CCDC63: variants seen among roughly 807,000 people sequenced by gnomAD.
The protein encoded by CCDC63 is coiled-coil domain containing 63.
In CCDC63, 54 loss-of-function variants were observed where a neutral mutation model predicts 63.6. The ratio of observed to expected loss-of-function variants is 0.85; its 90% CI spans 0.68 to 1.07. CCDC63 has a LOEUF of 1.07. Among genes scored for constraint, CCDC63 ranks in the 50% least tolerant of loss-of-function variants. The pLI is 0.00. For synonymous variants in CCDC63, 253 were observed against 266.1 expected, an observed-to-expected ratio of 0.95 and a Z score of 0.48; for missense variants, 637 against 689.6, an observed-to-expected ratio of 0.92 and a Z score of 0.86.
Position 110,884,195 on chromosome 12 carries a change from T to C in CCDC63, c.1019T>C (p.Val340Ala), listed in dbSNP as rs2071248422. 6.2e-7 allele frequency: 1 copy of C among 1,613,982 alleles called. No individual in the cohort carries two copies. Among genetic ancestry groups the C allele is most frequent in the South Asian group, 1.1e-5 (1 of 91,076 alleles). ...EEKNFARFTYVTELNNDMEMM... is the reference protein window; with the variant it reads ...EEKNFARFTYATELNNDMEMM... ...AAGAATTTTGCTCGGTTCACGTATG[T>C]CACGGAGCTCAACAACGACATGGAG... Residue 340 changes from valine to alanine, a missense_variant, in exon 8 of 12, where the codon GTC becomes GCC. By Grantham distance (64) the Val-to-Ala change is moderately conservative. Transcript: ENST00000308208.
intron 1 of CCDC63, among the ~76,000 whole-genome samples, chr12:110,849,498 C>CTTTTT (rs56059098): frequency 7.9e-6 from 1 of 126,294 alleles, no homozygotes; most frequent in Non-Finnish European, 1.6e-5. Context: ...CTCTTATTTC[C>CTTTTT]TTTTTTTTTT....
At chr12:110,870,628 C>T (rs911265277) in intron 4 of CCDC63, among the ~76,000 whole-genome samples, 5 of 152,138 alleles carry the variant, frequency 3.3e-5, no homozygotes, top group African/African-American at 1.2e-4. Context: ...GAGAGATGTC[C>T]CATTGCCCTT....
chr12:110,886,348 T>C (rs2071278820), intron 8 of CCDC63, among the ~76,000 whole-genome samples: 2 of 151,938 alleles, frequency 1.3e-5, no homozygotes, highest in Admixed American at 6.6e-5. Context: ...ATGGCGCCAC[T>C]GCACTCCAGC....
Position 110,898,953 on chromosome 12 carries a change from G to A in CCDC63, c.1170G>A (p.Thr390=), listed in dbSNP as rs776913477. 1.4e-5 allele frequency: 23 copies of A among 1,607,612 alleles called. No homozygotes were observed. Among genetic ancestry groups the A allele is most frequent in the Admixed American group, 8.4e-5 (5 of 59,286 alleles). Residue 390 remains threonine (T), a synonymous_variant, in exon 10 of 12, where the codon ACG becomes ACA. Transcript: ENST00000308208. ...ACCAGGATAAACTGAGGAAGACCAC[G>A]GAGGAGGCAGATATGTATGAGAGCA... ...RQLEDKLRKT[T]EEADMYESKY...
chr12:110,845,483 A>T (rs1417818748), upstream of CCDC63: 1 of 152,234 alleles, frequency 6.6e-6, no homozygotes, highest in Non-Finnish European at 1.5e-5. Context: ...TAAAATGAGG[A>T]TGGTCAAGTG....
chr12:110,845,374 GA>G (rs1188291865), upstream of CCDC63, among the ~76,000 whole-genome samples: 1 of 152,100 alleles, frequency 6.6e-6, no homozygotes, highest in African/African-American at 2.4e-5. Flanking sequence ...TCAGGGTGTG[GA>G]AAAGCGTGGG....
At chr12:110,876,873 A>C (rs1298444634) in intron 5 of CCDC63, among the ~76,000 whole-genome samples, 7 of 143,146 alleles carry the variant, frequency 4.9e-5, no homozygotes, top group Non-Finnish European at 1.1e-4. Flanking sequence ...GTCTCTACTA[A>C]AAATACAAAA....
At position 110,857,589 on chromosome 12, in the gene CCDC63, G is replaced by A. The variant is rs1302429336; in HGVS notation, c.180-997G>A. ...CAAAGGACATTCATGCTACTGATCC[G>A]CAAACCACATTGGGGAGTGGGTGTC... On this transcript the variant is annotated intron_variant, in intron 3 of 11. Transcript: ENST00000308208. Among the ~76,000 whole-genome samples, 4 of 152,288 alleles carry A rather than the reference G, an allele frequency of 2.6e-5. No homozygotes were observed. In the East Asian group the frequency reaches 7.7e-4, roughly 29 times the overall value.
chr12:110,873,244 AAAAG>A (rs774967872), intron 4 of CCDC63, among the ~76,000 whole-genome samples: 9 of 152,174 alleles, frequency 5.9e-5, no homozygotes, highest in Non-Finnish European at 1.3e-4. Context: ...TCAAAAAACA[AAAAG>A]AAAGTTTCAA....
intron 10 of CCDC63, among the ~76,000 whole-genome samples, chr12:110,903,006 G>A (rs1037796494): frequency 2.6e-4 from 39 of 151,456 alleles, no homozygotes; most frequent in Admixed American, 5.3e-4. Context: ...CCTCAGCCTC[G>A]CATGTAGCTG....
chr12:110,906,048 A>AAT (rs199743269), intron 11 of CCDC63, among the ~76,000 whole-genome samples: 5,545 of 75,514 alleles, frequency 0.073, 634 homozygotes, highest in African/African-American at 0.15. Context: ...TATAATATAT[A>AAT]ATATATATAT....
At chr12:110,883,941 C>A in intron 7 of CCDC63, 89 bp from the exon 8 acceptor site, 1 of 1,055,060 alleles carries the variant, frequency 9.5e-7, no homozygotes, top group Non-Finnish European at 1.5e-6. Context: ...TGCCTGGCCA[C>A]AATAATATTG....
At chr12:110,846,576 T>G (rs1426105406), upstream of CCDC63, among the ~76,000 whole-genome samples, 1 of 151,602 alleles carries the variant, frequency 6.6e-6, no homozygotes, top group Non-Finnish European at 1.5e-5. Context: ...TTTTTCAGAG[T>G]AGAAAAAACT....
intron 10 of CCDC63, among the ~76,000 whole-genome samples, chr12:110,900,938 C>T (rs1291165678): frequency 1.3e-5 from 2 of 152,080 alleles, no homozygotes; most frequent in Non-Finnish European, 2.9e-5. Flanking sequence ...TGGGAGGTTC[C>T]CCAAACACAT....
chr12:110,900,801 T>C (rs1268501751), intron 10 of CCDC63, among the ~76,000 whole-genome samples: 3 of 152,178 alleles, frequency 2.0e-5, no homozygotes, highest in Non-Finnish European at 4.4e-5. Flanking sequence ...GGTTTCACCA[T>C]GTTGGCCAGG....
chr12:110,868,560 T>A (rs1230601572), intron 4 of CCDC63, among the ~76,000 whole-genome samples: 2 of 150,760 alleles, frequency 1.3e-5, no homozygotes, highest in African/African-American at 4.9e-5. Context: ...CGAAACCCCG[T>A]CTCCACCAAA....
At chr12:110,888,862 GTTTTTCTTTC>G (rs1454234643) in intron 8 of CCDC63, among the ~76,000 whole-genome samples, 11 of 73,024 alleles carry the variant, frequency 1.5e-4, no homozygotes, top group East Asian at 6.3e-4. Context: ...TCCTTCCTTC[GTTTTTCTTTC>G]TTTTTCTTTC....
chr12:110,882,452 G>A (rs1292669829), intron 7 of CCDC63, among the ~76,000 whole-genome samples: 1 of 152,004 alleles, frequency 6.6e-6, no homozygotes, highest in Non-Finnish European at 1.5e-5. Context: ...AGGTCTGATG[G>A]TGACAAGGTG....
rs2071598279 is a variant in CCDC63 at position 110,907,122 on chromosome 12, C to A, written c.1547-209C>A. On this transcript the variant is annotated intron_variant, in intron 11 of 11. Coordinates refer to ENST00000308208, the MANE Select transcript of CCDC63 (RefSeq NM_152591.3). The surrounding 1 kb of genome is among the most constrained non-coding windows in gnomAD (Gnocchi z 4.4). Reference sequence around the variant, plus strand: ...TGGCCCTAACTCCTTAACATTAAACCAGACATTCTTCACATCCTTGTCTGG... The same window carrying A: ...TGGCCCTAACTCCTTAACATTAAACAAGACATTCTTCACATCCTTGTCTGG... Among the ~76,000 whole-genome samples the A allele has an allele frequency of 1.3e-5, 2 of 152,200 alleles. No individual in the cohort carries two copies. Among genetic ancestry groups the A allele is most frequent in the Non-Finnish European group, 2.9e-5 (2 of 68,030 alleles).
Sources: allele counts gnomAD v4.1 joint callset (sites outside exome capture counted in the v4.1 genomes callset), GRCh38; gene constraint gnomAD v4.1.1; non-coding constraint Gnocchi (gnomAD v3.1); transcripts MANE v1.5; gene names NCBI Gene and HGNC (gene_info 2026-07-23, HGNC 2026-07-21).